EXOC4: variants seen among roughly 807,000 people sequenced by gnomAD.
EXOC4 encodes the protein exocyst complex component 4, also known as SEC8-like 1.
In EXOC4, 71 loss-of-function variants were observed where a neutral mutation model predicts 107.2. That is an observed-to-expected ratio of 0.66 (90% confidence interval 0.55 to 0.81). EXOC4 has a LOEUF of 0.81. Ranked by LOEUF, EXOC4 falls within the 30% of genes least tolerant of loss-of-function variation. EXOC4 has a pLI of 0.00. For synonymous variants in EXOC4, 456 were observed against 441.2 expected (o/e 1.03, Z -0.42); for missense variants, 1,108 against 1,189.6 (o/e 0.93, Z 1.01).
intron 9 of EXOC4, chr7:133,576,527 G>A (rs1361174753): frequency 8.5e-6 from 11 of 1,288,970 alleles, no homozygotes; most frequent in Non-Finnish European, 1.1e-5. Context: ...GGCCAATTTA[G>A]TAACAGCAAG....
At chr7:134,036,265 C>T (rs936376666) in intron 17 of EXOC4, among the ~76,000 whole-genome samples, 1 of 152,176 alleles carries the variant, frequency 6.6e-6, no homozygotes, top group African/African-American at 2.4e-5. Flanking sequence ...AGAGAGCATC[C>T]TTCTCTCCAG....
chr7:133,730,583 G>A (rs902354698), intron 10 of EXOC4, among the ~76,000 whole-genome samples: 1 of 152,096 alleles, frequency 6.6e-6, no homozygotes, highest in East Asian at 1.9e-4. Context: ...TGGGATGCCT[G>A]TTTGGATATG....
At position 133,349,167 on chromosome 7, in the gene EXOC4, A is replaced by G. The variant is rs556192013; in HGVS notation, c.764-7163A>G. 2.6e-5 allele frequency among the ~76,000 whole-genome samples: 4 copies of G among 152,228 alleles called. No homozygotes were observed. In the South Asian group the frequency reaches 8.3e-4, roughly 32 times the overall value. ...TATTGTGGTAACGTCACATACCATA[A>G]AGCCTACCATTTTAACCATTTTGGA... On this transcript the variant is annotated intron_variant, in intron 5 of 17. Transcript: ENST00000253861.
intron 11 of EXOC4, among the ~76,000 whole-genome samples, chr7:133,887,683 G>A (rs1799116470): frequency 6.6e-6 from 1 of 152,144 alleles, no homozygotes; most frequent in African/African-American, 2.4e-5. Flanking sequence ...CTTGGGACCA[G>A]AACAAGGCCC....
intron 9 of EXOC4, among the ~76,000 whole-genome samples, chr7:133,537,077 A>G (rs1399719539): frequency 6.6e-6 from 1 of 152,206 alleles, no homozygotes; most frequent in Non-Finnish European, 1.5e-5. Context: ...TGTTGGTAAT[A>G]TGTGAGATGT....
chr7:133,858,300 C>T (rs1334681152), intron 11 of EXOC4, among the ~76,000 whole-genome samples: 3 of 152,176 alleles, frequency 2.0e-5, no homozygotes, highest in Non-Finnish European at 4.4e-5. Flanking sequence ...TGGGTAGCTA[C>T]TACCTGCAGA....
intron 17 of EXOC4, among the ~76,000 whole-genome samples, chr7:134,030,057 G>A (rs546549208): frequency 6.6e-6 from 1 of 152,178 alleles, no homozygotes; most frequent in African/African-American, 2.4e-5. Flanking sequence ...ATAAATGTGA[G>A]AGCTAGTCAT....
Position 133,564,726 on chromosome 7 carries a change from A to G in EXOC4, c.1418-65319A>G, listed in dbSNP as rs80098752. On this transcript the variant is annotated intron_variant, in intron 9 of 17. Coordinates refer to ENST00000253861, the MANE Select transcript of EXOC4 (RefSeq NM_021807.4). Reference sequence around the variant, plus strand: ...ACTAAGATTTTTCACTGTTCCCTTAATATTTTTTAAGATTTGTAATGTATG... The same window carrying G: ...ACTAAGATTTTTCACTGTTCCCTTAGTATTTTTTAAGATTTGTAATGTATG... 1.1e-3 allele frequency among the ~76,000 whole-genome samples: 163 copies of G among 152,236 alleles called. 4 individuals carry two copies. The East Asian group carries it at 0.023, about 21-fold the overall frequency.
intron 7 of EXOC4, among the ~76,000 whole-genome samples, chr7:133,408,899 A>G (rs1797289690): frequency 1.3e-5 from 2 of 152,202 alleles, no homozygotes; most frequent in South Asian, 4.1e-4. Context: ...TTCTCTTTGC[A>G]TATTTCAGTA....
chr7:134,071,392 C>T (rs369532589), downstream of EXOC4, among the ~76,000 whole-genome samples: 259 of 152,306 alleles, frequency 1.7e-3, no homozygotes, highest in Middle Eastern at 0.01. Flanking sequence ...AGGAAGCCAG[C>T]AAACTGAGAA....
chr7:133,737,649 A>G (rs1429391679), intron 10 of EXOC4, among the ~76,000 whole-genome samples: 1 of 152,080 alleles, frequency 6.6e-6, no homozygotes, highest in South Asian at 2.1e-4. Flanking sequence ...GATGTATGTG[A>G]CATCCTGCGA....
chr7:133,440,041 A>G lies in EXOC4; in HGVS notation c.1183-35287A>G, dbSNP rs1336560943. On this transcript the variant is annotated intron_variant, in intron 7 of 17. Coordinates refer to ENST00000253861, the MANE Select transcript of EXOC4 (RefSeq NM_021807.4). Reference sequence around the variant, plus strand: ...TCATTTAAAGGCATTAAAAAAATAAATTTAGTGATTACATTGAATAATCAC... The same window carrying G: ...TCATTTAAAGGCATTAAAAAAATAAGTTTAGTGATTACATTGAATAATCAC... Among the ~76,000 whole-genome samples the G allele has an allele frequency of 2.6e-5, 4 of 152,220 alleles. No homozygotes were observed. The East Asian group carries it at 7.7e-4, about 29-fold the overall frequency.
Position 133,811,693 on chromosome 7 carries a change from A to G in EXOC4, c.1515-5632A>G, listed in dbSNP as rs1199913370. Among the ~76,000 whole-genome samples the G allele has an allele frequency of 2.0e-5, 3 of 152,360 alleles. No homozygotes were observed. The East Asian group carries it at 5.8e-4, about 29-fold the overall frequency. ...TGTGAACAGCCATATTGCACAAAAT[A>G]TAAAACAGTGTGGGATGTGGATAAG... On this transcript the variant is annotated intron_variant, in intron 10 of 17. Coordinates refer to ENST00000253861, the MANE Select transcript of EXOC4 (RefSeq NM_021807.4).
chr7:133,871,023 G>A (rs367725599), intron 11 of EXOC4, among the ~76,000 whole-genome samples: 1 of 152,190 alleles, frequency 6.6e-6, no homozygotes, highest in East Asian at 1.9e-4. Context: ...GAAATTTTGT[G>A]AGCTGGTTGT....
At chr7:133,805,288 T>A (rs1008657996) in intron 10 of EXOC4, among the ~76,000 whole-genome samples, 9 of 152,156 alleles carry the variant, frequency 5.9e-5, no homozygotes, top group Non-Finnish European at 1.3e-4. Flanking sequence ...CTTTAGCTGA[T>A]TTGCCACAAT....
chr7:133,521,039 C>T (rs1236816047), intron 9 of EXOC4, among the ~76,000 whole-genome samples: 38 of 152,118 alleles, frequency 2.5e-4, no homozygotes, highest in Admixed American at 2.4e-3. Context: ...ATGCACATTA[C>T]GTGGTCTGGA....
intron 17 of EXOC4, among the ~76,000 whole-genome samples, chr7:134,031,527 A>G (rs1795271115): frequency 6.6e-6 from 1 of 152,164 alleles, no homozygotes; most frequent in African/African-American, 2.4e-5. Flanking sequence ...TTAAGAGTTG[A>G]TTGTGGAGCT....
Position 133,629,055 on chromosome 7 carries a change from GA to G in EXOC4, c.1418-988del, listed in dbSNP as rs974374719. ...GACTTCAAATATTATTTAGTGTTAAGAATACCTTAACAAACTTATTTTTCTT... is the reference window on the plus strand; with the variant it reads ...GACTTCAAATATTATTTAGTGTTAAGATACCTTAACAAACTTATTTTTCTT... On this transcript the variant is annotated intron_variant, in intron 9 of 17. Transcript: ENST00000253861. Among the ~76,000 whole-genome samples, 5 of 152,248 alleles carry G rather than the reference GA, an allele frequency of 3.3e-5. No homozygotes were observed. In the East Asian group the frequency reaches 9.7e-4, roughly 29 times the overall value.
At chr7:133,900,109 A>T (rs1450527446) in intron 12 of EXOC4, among the ~76,000 whole-genome samples, 1 of 152,128 alleles carries the variant, frequency 6.6e-6, no homozygotes, top group Non-Finnish European at 1.5e-5. Flanking sequence ...GTGTCCTATC[A>T]TTGCATTTGT....
Sources: allele counts gnomAD v4.1 joint callset (sites outside exome capture counted in the v4.1 genomes callset), GRCh38; gene constraint gnomAD v4.1.1; transcripts MANE v1.5; gene names NCBI Gene and HGNC (gene_info 2026-07-23, HGNC 2026-07-21).